Variants in DYNC2H1 observed in about 807,000 individuals in gnomAD.
The protein encoded by DYNC2H1 is dynein cytoplasmic 2 heavy chain 1.
In DYNC2H1, 410 loss-of-function variants were observed where a neutral mutation model predicts 570.0. That is an observed-to-expected ratio of 0.72 (90% CI 0.66 to 0.78). The LOEUF (loss-of-function observed/expected upper bound fraction) is 0.78, where lower values mean the gene tolerates loss of function less well. DYNC2H1 is among the 30% of genes least tolerant of loss of function. DYNC2H1 has a pLI of 0.00. For synonymous variants in DYNC2H1, 1,688 were observed against 1,677.6 expected (o/e 1.01, Z -0.15); for missense variants, 4,865 against 5,046.4 (o/e 0.96, Z 1.09).
At chr11:103,235,501 TCA>T (rs1327756948) in intron 61 of DYNC2H1, among the ~76,000 whole-genome samples, 169 bp from the exon 62 acceptor site, 3 of 151,968 alleles carry the variant, frequency 2.0e-5, no homozygotes, top group African/African-American at 7.2e-5. Flanking sequence ...TTAAAAAATA[TCA>T]CAGCAGAGTC....
At chr11:103,364,712 G>A (rs890472461) in intron 83 of DYNC2H1, among the ~76,000 whole-genome samples, 13 of 151,696 alleles carry the variant, frequency 8.6e-5, no homozygotes, top group African/African-American at 2.7e-4. Flanking sequence ...AATATCTGCA[G>A]TGCTATTCTG....
rs139751257 is a variant in DYNC2H1, at chr11:103,170,813, A to G, written c.5152-73A>G. ...TAAATTATCACCTTATCAATAAGTA[A>G]CATTAAATATTAAGTAGTTATGGAG... On this transcript the variant is annotated intron_variant, in intron 33 of 88. Transcript: ENST00000375735. This position sits in a 1 kb window ranked among gnomAD's most constrained non-coding sequence, Gnocchi z 4.8. 13,328 of 1,257,878 alleles carry G rather than the reference A, an allele frequency of 0.011. 84 individuals carry two copies. Among genetic ancestry groups the G allele is most frequent in the South Asian group, 0.018 (667 of 37,900 alleles). 77.9% of individuals were successfully genotyped at this position (1,257,878 alleles called of 1,614,324 possible).
At chr11:103,140,724 T>C (rs976629979) in intron 17 of DYNC2H1, among the ~76,000 whole-genome samples, 2 of 152,206 alleles carry the variant, frequency 1.3e-5, no homozygotes, top group African/African-American at 4.8e-5. Flanking sequence ...TGACATTCTC[T>C]GTATTTCCTG....
At chr11:103,156,885 T>C in intron 26 of DYNC2H1, 115 bp downstream of exon 26, 3 of 1,283,700 alleles carry the variant, frequency 2.3e-6, no homozygotes, top group South Asian at 1.5e-5. Context: ...CCTCTGTGTA[T>C]TCAAATTCTT....
At chr11:103,356,417 C>CT (rs777957004) in intron 82 of DYNC2H1, among the ~76,000 whole-genome samples, 31 of 152,046 alleles carry the variant, frequency 2.0e-4, no homozygotes, top group Non-Finnish European at 3.5e-4. Flanking sequence ...CAGAAGACAT[C>CT]TTTTTTTGGT....
Position 103,316,611 on chromosome 11 carries a change from CTT to C in DYNC2H1, c.11720_11721del (p.Phe3907Ter), listed in dbSNP as rs1332111610. On this transcript the variant is annotated frameshift_variant, in exon 80 of 89. Transcript: ENST00000375735. LOFTEE classifies it high-confidence loss of function. ...LRAGYNIIDR[L>X]FDGAKDVQWE... is the part of the protein sequence containing the mutation. ...GGCTGGGTACAACATTATTGACAGA[CTT>C]TTTGATGGTAAGTTCTAACAAAAAT... The C allele has an allele frequency of 6.5e-7, 1 of 1,532,744 alleles. No homozygotes were observed. The highest frequency in any genetic ancestry group is 2.4e-5 in the East Asian group (1 of 40,866). 94.9% of individuals were successfully genotyped at this position (1,532,744 alleles called of 1,614,324 possible).
intron 83 of DYNC2H1, among the ~76,000 whole-genome samples, chr11:103,367,677 C>A (rs540149343): frequency 5.9e-5 from 9 of 152,046 alleles, no homozygotes; most frequent in Non-Finnish European, 1.0e-4. Flanking sequence ...GCTATAGTCA[C>A]CCTGCTGGGC....
At chr11:103,183,277 C>G (rs1346475312) in intron 40 of DYNC2H1, among the ~76,000 whole-genome samples, 2 of 151,768 alleles carry the variant, frequency 1.3e-5, no homozygotes, top group Non-Finnish European at 2.9e-5. Context: ...ACAAGGCTTT[C>G]CAATGCAGAT....
At chr11:103,355,273 T>C (rs1247451780) in intron 82 of DYNC2H1, among the ~76,000 whole-genome samples, 1 of 152,140 alleles carries the variant, frequency 6.6e-6, no homozygotes, top group Non-Finnish European at 1.5e-5. Flanking sequence ...TTTAATTTCT[T>C]TGACATCTAT....
chr11:103,393,115 C>T (rs1159236752), intron 83 of DYNC2H1, among the ~76,000 whole-genome samples: 8 of 152,142 alleles, frequency 5.3e-5, no homozygotes, highest in Non-Finnish European at 1.2e-4. Context: ...AACTCCTGAC[C>T]TCAGGTGATC....
chr11:103,458,423 C>T (rs1457181598), intron 87 of DYNC2H1, among the ~76,000 whole-genome samples: 7 of 151,986 alleles, frequency 4.6e-5, no homozygotes, highest in African/African-American at 1.4e-4. Flanking sequence ...AATGTATTCC[C>T]ATCATTAAGT....
Position 103,173,308 on chromosome 11 carries a change from G to T in DYNC2H1, c.5558+3G>T. 1 of 1,531,284 alleles carries T rather than the reference G, an allele frequency of 6.5e-7. No individual in the cohort carries two copies. The highest frequency in any genetic ancestry group is 1.3e-5 in the South Asian group (1 of 75,816). 94.9% of individuals were successfully genotyped at this position (1,531,284 alleles called of 1,614,324 possible). A position where few individuals can be genotyped will look rare whatever the true frequency, so the allele number is the denominator to read the frequency against. On this transcript the variant is annotated splice_donor_region_variant and intron_variant, in intron 35 of 88. Transcript: ENST00000375735. ...GTAGCTATTTTCAATCTATCTAGGT[G>T]AGTTTTCTTGTTCTAAATATTTTTA...
intron 83 of DYNC2H1, among the ~76,000 whole-genome samples, chr11:103,390,203 T>G (rs1193043968): frequency 3.3e-5 from 5 of 152,196 alleles, no homozygotes. Flanking sequence ...CATATATATT[T>G]AGGATAGTTA....
At chr11:103,137,544 TG>T (rs1859638369) in intron 17 of DYNC2H1, among the ~76,000 whole-genome samples, 2 of 152,220 alleles carry the variant, frequency 1.3e-5, no homozygotes, top group Admixed American at 6.5e-5. Flanking sequence ...TGTAGATAAG[TG>T]GCCTTATTTC....
chr11:103,128,507 A>C (rs914962175), intron 12 of DYNC2H1, among the ~76,000 whole-genome samples: 1 of 152,236 alleles, frequency 6.6e-6, no homozygotes, highest in East Asian at 1.9e-4. Flanking sequence ...ATCTCAAAGA[A>C]TTTTTGGTCT....
At chr11:103,421,353 G>GTGAT (rs1403181628) in intron 84 of DYNC2H1, among the ~76,000 whole-genome samples, 1 of 152,032 alleles carries the variant, frequency 6.6e-6, no homozygotes, top group African/African-American at 2.4e-5. Context: ...TCAGGTGGAT[G>GTGAT]TGATAGATAT....
At chr11:103,350,982 G>T (rs1294373040) in intron 82 of DYNC2H1, among the ~76,000 whole-genome samples, 1 of 152,102 alleles carries the variant, frequency 6.6e-6, no homozygotes, top group Non-Finnish European at 1.5e-5. Flanking sequence ...ATAAATTAAA[G>T]AAGTTTTCTA....
chr11:103,120,434 T>C lies in DYNC2H1; in HGVS notation c.1000-13T>C, dbSNP rs371854057. The C allele has an allele frequency of 1.0e-5, 16 of 1,595,648 alleles. No homozygotes were observed. The highest frequency in any genetic ancestry group is 8.1e-5 in the African/African-American group (6 of 74,532). On this transcript the variant is annotated splice_polypyrimidine_tract_variant and intron_variant, in intron 6 of 88. Coordinates refer to ENST00000375735, the MANE Select transcript of DYNC2H1 (RefSeq NM_001377.3). Reference sequence around the variant, plus strand: ...ATTTAAATAAATTCTGTTGTTTTAATACTTCATTTTAGGTCTTGGCTATTA... The same window carrying C: ...ATTTAAATAAATTCTGTTGTTTTAACACTTCATTTTAGGTCTTGGCTATTA...
At chr11:103,184,278 C>G (rs1861976120) in intron 40 of DYNC2H1, among the ~76,000 whole-genome samples, 1 of 151,890 alleles carries the variant, frequency 6.6e-6, no homozygotes, top group South Asian at 2.1e-4. Flanking sequence ...CAAAACAAAG[C>G]AAAAACAAAC....
Sources: allele counts gnomAD v4.1 joint callset (sites outside exome capture counted in the v4.1 genomes callset), GRCh38; gene constraint gnomAD v4.1.1; non-coding constraint Gnocchi (gnomAD v3.1); transcripts MANE v1.5; gene names NCBI Gene and HGNC (gene_info 2026-07-23, HGNC 2026-07-21).